PDE1A: variants seen among roughly 807,000 people sequenced by gnomAD.
PDE1A encodes the protein dual specificity calcium/calmodulin-dependent 3',5'-cyclic nucleotide phosphodiesterase 1A.
In PDE1A, 35 loss-of-function variants were observed where a neutral mutation model predicts 61.7. The observed-to-expected ratio is 0.57, with a 90% confidence interval of 0.43 to 0.75. PDE1A has a LOEUF of 0.75. PDE1A is among the 30% of genes least tolerant of loss of function. PDE1A has a pLI of 0.00. For synonymous variants in PDE1A, 232 were observed against 213.2 expected, an observed-to-expected ratio of 1.09 and a Z score of -0.77; for missense variants, 597 against 630.6, an observed-to-expected ratio of 0.95 and a Z score of 0.57.
the PDE1A span, among the ~76,000 whole-genome samples, chr2:182,678,668 TAAATGACATAATGG>T: frequency 1.3e-5 from 2 of 152,084 alleles, no homozygotes; most frequent in African/African-American, 4.8e-5. Flanking sequence ...AACAACCAGT[TAAATGACATAATGG>T]AAACTAGGAT....
chr2:182,625,218 G>A, the PDE1A span, among the ~76,000 whole-genome samples: 20,802 of 152,014 alleles, frequency 0.14, 1,702 homozygotes, highest in African/African-American at 0.23. Context: ...CCAGCATCCA[G>A]AACTGTGAGA....
intron 2 of PDE1A, among the ~76,000 whole-genome samples, chr2:182,252,348 T>C (rs1691461274): frequency 6.6e-6 from 1 of 152,234 alleles, no homozygotes. Flanking sequence ...GTATTTTCTG[T>C]GATCCTGTAA....
intron 1 of PDE1A, among the ~76,000 whole-genome samples, chr2:182,324,861 A>G (rs1696941718): frequency 6.6e-6 from 1 of 152,206 alleles, no homozygotes; most frequent in Non-Finnish European, 1.5e-5. Context: ...GTCTTGAGCA[A>G]TAAGTTCAGG....
At chr2:182,581,827 C>A in the PDE1A span, among the ~76,000 whole-genome samples, 44 of 152,230 alleles carry the variant, frequency 2.9e-4, no homozygotes, top group African/African-American at 1.0e-3. Flanking sequence ...TCAATCCACT[C>A]GAGGGCAGCT....
At chr2:182,394,735 A>G (rs192954385) in intron 1 of PDE1A, among the ~76,000 whole-genome samples, 134 of 152,352 alleles carry the variant, frequency 8.8e-4, no homozygotes, top group Middle Eastern at 6.8e-3. Flanking sequence ...CAGAGCCAGA[A>G]TGCATAATTG....
At chr2:182,483,718 T>G (rs1182919721) in intron 2 of PDE1A, among the ~76,000 whole-genome samples, 4 of 151,622 alleles carry the variant, frequency 2.6e-5, no homozygotes, top group African/African-American at 9.7e-5. Context: ...AAACTTCTAC[T>G]TTAAGAGCCT....
chr2:182,553,566 C>T, the PDE1A span, among the ~76,000 whole-genome samples: 1 of 152,124 alleles, frequency 6.6e-6, no homozygotes, highest in Admixed American at 6.5e-5. Flanking sequence ...TGTCATTCTC[C>T]TTGAGGAGCT....
intron 1 of PDE1A, among the ~76,000 whole-genome samples, chr2:182,343,197 C>T (rs1218305380): frequency 1.3e-5 from 2 of 152,120 alleles, no homozygotes; most frequent in Admixed American, 6.5e-5. Context: ...TGCAAGGACA[C>T]GGTCAATTCA....
chr2:182,697,731 C>G, the PDE1A span, among the ~76,000 whole-genome samples: 1 of 152,236 alleles, frequency 6.6e-6, no homozygotes, highest in Non-Finnish European at 1.5e-5. Context: ...ATCAGTGACA[C>G]TTGGATTCCA....
intron 2 of PDE1A, among the ~76,000 whole-genome samples, chr2:182,477,014 G>T (rs1249639795): frequency 6.6e-6 from 1 of 151,740 alleles, no homozygotes; most frequent in Non-Finnish European, 1.5e-5. Context: ...AAAGAAAGAT[G>T]TTTATTCTAA....
chr2:182,166,095 G>A (rs753132543), downstream of PDE1A, among the ~76,000 whole-genome samples: 14 of 152,084 alleles, frequency 9.2e-5, no homozygotes, highest in Non-Finnish European at 1.6e-4. Flanking sequence ...GGTTTAAAGA[G>A]GTGCATAATG....
intron 1 of PDE1A, among the ~76,000 whole-genome samples, chr2:182,378,934 A>C (rs1388886253): frequency 1.3e-5 from 2 of 152,204 alleles, no homozygotes; most frequent in Admixed American, 1.3e-4. Context: ...TCAAAACTAG[A>C]TAGTCCTAAT....
exon 14 of PDE1A, chr2:182,168,178 A>G (rs1022465996): frequency 1.7e-5 from 27 of 1,548,662 alleles, no homozygotes; most frequent in Non-Finnish European, 2.3e-5. Context: ...CAGCAAGCAT[A>G]ATCAAAATCT....
intron 1 of PDE1A, among the ~76,000 whole-genome samples, chr2:182,386,669 T>C (rs1379301290): frequency 2.3e-4 from 34 of 148,362 alleles, no homozygotes; most frequent in African/African-American, 3.8e-4. Context: ...ATCTGAGAAG[T>C]GAGGAGCCCC....
At chr2:182,347,735 G>A (rs1698603331) in intron 1 of PDE1A, among the ~76,000 whole-genome samples, 1 of 151,996 alleles carries the variant, frequency 6.6e-6, no homozygotes, top group Admixed American at 6.6e-5. Context: ...GAAAAGACAA[G>A]AATGTATATA....
intron 1 of PDE1A, among the ~76,000 whole-genome samples, chr2:182,403,176 T>C (rs1419383064): frequency 1.3e-5 from 2 of 152,192 alleles, no homozygotes; most frequent in African/African-American, 4.8e-5. Context: ...TTACTGGGTA[T>C]ATACCCAAAG....
the PDE1A span, among the ~76,000 whole-genome samples, chr2:182,699,247 A>G: frequency 6.6e-6 from 1 of 152,256 alleles, no homozygotes; most frequent in Non-Finnish European, 1.5e-5. Flanking sequence ...TAAACTGACT[A>G]TTCATACCTT....
the PDE1A span, among the ~76,000 whole-genome samples, chr2:182,626,683 C>A: frequency 5.6e-5 from 4 of 71,090 alleles, no homozygotes; most frequent in Non-Finnish European, 8.4e-5. Context: ...TAATTGCCTT[C>A]GAGAAAAAAA....
chr2:182,531,784 T>C, the PDE1A span, among the ~76,000 whole-genome samples: 2 of 152,298 alleles, frequency 1.3e-5, 1 homozygote, highest in South Asian at 4.1e-4. Flanking sequence ...ATGTGCCATA[T>C]TGGTTTGCTG....
Sources: gnomAD v4.1 joint callset for allele counts (sites outside exome capture counted in the v4.1 genomes callset) on GRCh38, gnomAD v4.1.1 for gene constraint, MANE v1.5 for transcripts, NCBI Gene and HGNC (gene_info 2026-07-23, HGNC 2026-07-21) for gene names.